FBXO10: variants seen among roughly 807,000 people sequenced by gnomAD.
FBXO10 encodes the protein F-box only protein 10.
Under a neutral mutation model 80.7 loss-of-function variants are expected in FBXO10, and 39 were observed. The ratio of observed to expected loss-of-function variants is 0.48; its 90% CI spans 0.37 to 0.63. FBXO10 has a LOEUF of 0.63. Among genes scored for constraint, FBXO10 ranks in the 30% least tolerant of loss-of-function variants. The probability of loss-of-function intolerance (pLI) is 0.00; values close to 1 mark genes in which losing one functional copy is unlikely to be tolerated. For synonymous variants in FBXO10, 449 were observed against 489.6 expected (o/e 0.92, Z 1.09); for missense variants, 1,025 against 1,269.0 (o/e 0.81, Z 2.92).
intron 5 of FBXO10, among the ~76,000 whole-genome samples, chr9:37,526,908 T>G (rs1206062617): frequency 6.6e-6 from 1 of 151,968 alleles, no homozygotes; most frequent in Non-Finnish European, 1.5e-5. Flanking sequence ...TGGAGTGCAG[T>G]GGCACGATCT....
intron 1 of FBXO10, among the ~76,000 whole-genome samples, chr9:37,555,980 T>C (rs1277366870): frequency 6.6e-6 from 1 of 152,258 alleles, no homozygotes; most frequent in Non-Finnish European, 1.5e-5. Flanking sequence ...TACTGTTCTA[T>C]GATCCATCAT....
At chr9:37,570,447 AC>A (rs1822722621) in intron 1 of FBXO10, among the ~76,000 whole-genome samples, 1 of 152,216 alleles carries the variant, frequency 6.6e-6, no homozygotes, top group Non-Finnish European at 1.5e-5. Flanking sequence ...AATTAATGAA[AC>A]TAAACATCAA....
chr9:37,523,985 C>G (rs1030974086), intron 6 of FBXO10, among the ~76,000 whole-genome samples: 1 of 152,256 alleles, frequency 6.6e-6, no homozygotes, highest in Non-Finnish European at 1.5e-5. Context: ...CATTTACCCA[C>G]AAGCCTGTGA....
intron 1 of FBXO10, among the ~76,000 whole-genome samples, chr9:37,561,111 T>C (rs1278990282): frequency 2.6e-5 from 4 of 151,054 alleles, no homozygotes; most frequent in Non-Finnish European, 4.4e-5. Flanking sequence ...CACTGCACTC[T>C]AGCCTGGGCG....
chr9:37,531,749 G>A (rs1821627909), intron 4 of FBXO10, among the ~76,000 whole-genome samples, 160 bp downstream of exon 4: 1 of 152,140 alleles, frequency 6.6e-6, no homozygotes, highest in African/African-American at 2.4e-5. Flanking sequence ...CTAATACACA[G>A]ACAGAGACAC....
intron 8 of FBXO10, among the ~76,000 whole-genome samples, chr9:37,520,524 T>TC (rs1300692248): frequency 3.3e-4 from 19 of 57,244 alleles, no homozygotes; most frequent in East Asian, 1.7e-3. Context: ...TTCTTCTTCT[T>TC]TTTTTTTTTT....
intron 3 of FBXO10, among the ~76,000 whole-genome samples, chr9:37,533,728 T>C (rs1821685677): frequency 6.6e-6 from 1 of 151,300 alleles, no homozygotes; most frequent in African/African-American, 2.4e-5. Context: ...ACAAATTAGC[T>C]GGGCGTGGTG....
chr9:37,531,479 G>A (rs113290132), intron 4 of FBXO10, among the ~76,000 whole-genome samples: 1,988 of 152,224 alleles, frequency 0.013, 21 homozygotes, highest in Non-Finnish European at 0.021. Flanking sequence ...CAATAACCAC[G>A]AAACAATCTT....
chr9:37,524,118 C>T (rs1225437266), intron 6 of FBXO10, among the ~76,000 whole-genome samples: 1 of 152,140 alleles, frequency 6.6e-6, no homozygotes, highest in Admixed American at 6.5e-5. Context: ...GATGTCCACT[C>T]GGCCATGCCA....
chr9:37,574,141 C>T (rs1384621390), intron 1 of FBXO10, among the ~76,000 whole-genome samples: 1 of 152,162 alleles, frequency 6.6e-6, no homozygotes, highest in Non-Finnish European at 1.5e-5. Context: ...ATCATCAGAG[C>T]CCCCACTAAT....
At chr9:37,562,473 G>A in intron 1 of FBXO10, among the ~76,000 whole-genome samples, 1 of 152,206 alleles carries the variant, frequency 6.6e-6, no homozygotes, top group East Asian at 1.9e-4. Flanking sequence ...AGGTGACAGA[G>A]CCTGGGCACC....
intron 1 of FBXO10, among the ~76,000 whole-genome samples, chr9:37,556,322 TAA>T (rs1400465778): frequency 6.6e-6 from 1 of 152,198 alleles, no homozygotes; most frequent in Non-Finnish European, 1.5e-5. Flanking sequence ...TGTTTTTTTC[TAA>T]AAGTTTTATA....
rs148653792 is a variant in FBXO10 at position 37,558,644 on chromosome 9, G to A, written c.-6-16870C>T. Among the ~76,000 whole-genome samples the A allele has an allele frequency of 4.9e-3, 743 of 152,074 alleles. 6 individuals are homozygous for A. The highest frequency in any genetic ancestry group is 0.017 in the African/African-American group (692 of 41,488). ...TTAATAACAGTGTTTTTAAGTAAAC[G>A]AATAATCAGAAATGAGCCCCCATCA... On this transcript the variant is annotated intron_variant, in intron 1 of 10. Coordinates refer to ENST00000432825, the MANE Select transcript of FBXO10 (RefSeq NM_012166.3).
intron 1 of FBXO10, among the ~76,000 whole-genome samples, chr9:37,570,724 G>A (rs921652288): frequency 6.6e-6 from 1 of 152,206 alleles, no homozygotes; most frequent in African/African-American, 2.4e-5. Context: ...GCCAGGTGCG[G>A]TGGCTCACGC....
chr9:37,514,021 T>C (rs1419442637), intron 10 of FBXO10, among the ~76,000 whole-genome samples: 1 of 152,196 alleles, frequency 6.6e-6, no homozygotes, highest in African/African-American at 2.4e-5. Context: ...GAAGCTGTGG[T>C]CAGAGTTTTC....
chr9:37,561,433 C>G (rs553735335), intron 1 of FBXO10, among the ~76,000 whole-genome samples: 12 of 152,294 alleles, frequency 7.9e-5, no homozygotes, highest in African/African-American at 4.8e-5. Context: ...TATCCACATG[C>G]CTCTGGGCCA....
At chr9:37,550,314 C>T (rs2119153091) in intron 1 of FBXO10, among the ~76,000 whole-genome samples, 1 of 148,358 alleles carries the variant, frequency 6.7e-6, no homozygotes, top group Non-Finnish European at 1.5e-5. Flanking sequence ...TCCTGAGTAG[C>T]TGGTATTACA....
intron 6 of FBXO10, among the ~76,000 whole-genome samples, chr9:37,524,352 C>T (rs756382782): frequency 1.1e-4 from 16 of 152,178 alleles, no homozygotes; most frequent in Non-Finnish European, 1.6e-4. Flanking sequence ...TTTATTTATT[C>T]GCTTCCTCTC....
At chr9:37,553,511 T>C (rs1454753109) in intron 1 of FBXO10, among the ~76,000 whole-genome samples, 4 of 152,176 alleles carry the variant, frequency 2.6e-5, no homozygotes, top group East Asian at 3.8e-4. Flanking sequence ...TTCCTTGCTA[T>C]GTGGTATGGC....
Sources: allele counts gnomAD v4.1 joint callset (sites outside exome capture counted in the v4.1 genomes callset), GRCh38; gene constraint gnomAD v4.1.1; transcripts MANE v1.5; gene names NCBI Gene and HGNC (gene_info 2026-07-23, HGNC 2026-07-21).